GSK3B: variants seen among roughly 807,000 people sequenced by gnomAD.
The protein encoded by GSK3B is glycogen synthase kinase 3 beta.
Under a neutral mutation model 56.4 loss-of-function variants are expected in GSK3B, and 15 were observed. The observed-to-expected ratio is 0.27, with a 90% CI of 0.18 to 0.41. GSK3B has a LOEUF of 0.41. Among genes scored for constraint, GSK3B ranks in the 10% least tolerant of loss-of-function variants. The pLI is 1.00. For missense variants in GSK3B, 300 were observed against 513.4 expected (o/e 0.58, Z 4.02); for synonymous variants, 181 against 188.9 (o/e 0.96, Z 0.34).
At chr3:119,959,834 T>C (rs139869154) in intron 2 of GSK3B, among the ~76,000 whole-genome samples, 1 of 152,194 alleles carries the variant, frequency 6.6e-6, no homozygotes, top group Admixed American at 6.5e-5. Flanking sequence ...ATTACAGGCA[T>C]GAGACACTGC....
chr3:120,066,373 T>C (rs745815227), intron 1 of GSK3B, among the ~76,000 whole-genome samples: 1 of 152,100 alleles, frequency 6.6e-6, no homozygotes, highest in African/African-American at 2.4e-5. Context: ...ACTGAGGTTA[T>C]ATGGAAAGAT....
chr3:119,864,377 T>A (rs926565332), intron 8 of GSK3B, among the ~76,000 whole-genome samples: 1 of 152,214 alleles, frequency 6.6e-6, no homozygotes, highest in Non-Finnish European at 1.5e-5. Context: ...TACTAATTTG[T>A]GTCTTAAATA....
intron 10 of GSK3B, among the ~76,000 whole-genome samples, chr3:119,828,565 T>C (rs1420495629): frequency 6.6e-6 from 1 of 152,172 alleles, no homozygotes. Flanking sequence ...AGATCTACCA[T>C]GTGCTATGGT....
At chr3:119,871,982 C>G (rs2056255490) in intron 8 of GSK3B, among the ~76,000 whole-genome samples, 1 of 152,152 alleles carries the variant, frequency 6.6e-6, no homozygotes, top group South Asian at 2.1e-4. Flanking sequence ...TGTTACCTAA[C>G]TGACCTCACA....
At position 119,823,102 on chromosome 3, in the gene GSK3B, C is replaced by T. The variant is rs1329290785; in HGVS notation, c.*3686G>A. 2 of 229,372 alleles carry T rather than the reference C, an allele frequency of 8.7e-6. No individual in the cohort carries two copies. The highest frequency in any genetic ancestry group is 1.7e-5 in the Non-Finnish European group (2 of 115,784). The allele number at this position is 229,372 out of a possible 1,614,324, so 14.2% of individuals were successfully genotyped here. On this transcript the variant is annotated 3_prime_UTR_variant, in exon 11 of 11. Coordinates refer to ENST00000264235, the MANE Select transcript of GSK3B (RefSeq NM_001146156.2). Reference sequence around the variant, plus strand: ...AAAGAAGGTGCAGTCTTCTGCCTTGCTGGAATGAACACACGATGTTTCAAA... The same window carrying T: ...AAAGAAGGTGCAGTCTTCTGCCTTGTTGGAATGAACACACGATGTTTCAAA...
chr3:119,866,612 C>A (rs2056186432), intron 8 of GSK3B: 1 of 1,604,846 alleles, frequency 6.2e-7, no homozygotes, highest in South Asian at 1.1e-5. Flanking sequence ...GGTGAAATGT[C>A]CTGTTCCTGA....
chr3:119,893,517 C>A (rs986453108), intron 7 of GSK3B, among the ~76,000 whole-genome samples: 3 of 152,018 alleles, frequency 2.0e-5, no homozygotes, highest in Admixed American at 6.6e-5. Context: ...AGTCTTAAAG[C>A]CCCATTAAGA....
At chr3:119,849,917 G>A (rs974959779) in intron 9 of GSK3B, among the ~76,000 whole-genome samples, 17 of 152,094 alleles carry the variant, frequency 1.1e-4, no homozygotes, top group African/African-American at 3.6e-4. Flanking sequence ...CTGGGTTCAC[G>A]CGATTCTCGT....
At chr3:120,074,056 G>A (rs2058348815) in intron 1 of GSK3B, among the ~76,000 whole-genome samples, 1 of 152,122 alleles carries the variant, frequency 6.6e-6, no homozygotes, top group Non-Finnish European at 1.5e-5. Context: ...TGTAATCCCA[G>A]CACTATGGGA....
chr3:119,937,224 G>T (rs4491944), intron 3 of GSK3B, among the ~76,000 whole-genome samples: 3,975 of 152,116 alleles, frequency 0.026, 223 homozygotes, highest in African/African-American at 0.09. Context: ...TTGATCCTCA[G>T]TGTTGGAGAT....
chr3:119,971,109 A>G (rs1337233572), intron 2 of GSK3B, among the ~76,000 whole-genome samples: 7 of 152,248 alleles, frequency 4.6e-5, no homozygotes, highest in Admixed American at 4.6e-4. Flanking sequence ...ACTTTCTTAT[A>G]TAAATGACAA....
chr3:119,942,982 T>C (rs2057064875), intron 3 of GSK3B, among the ~76,000 whole-genome samples: 1 of 152,142 alleles, frequency 6.6e-6, no homozygotes, highest in Non-Finnish European at 1.5e-5. Flanking sequence ...ACAGCAAACA[T>C]TAATAATTCC....
At chr3:119,846,199 G>T (rs1444971491) in intron 9 of GSK3B, among the ~76,000 whole-genome samples, 1 of 152,100 alleles carries the variant, frequency 6.6e-6, no homozygotes, top group Non-Finnish European at 1.5e-5. Context: ...AAAAACCCTA[G>T]AAGGAAACCT....
intron 1 of GSK3B, among the ~76,000 whole-genome samples, chr3:120,053,382 T>A (rs2058166781): frequency 6.6e-6 from 1 of 152,158 alleles, no homozygotes. Flanking sequence ...ACTTTACAGA[T>A]GTAATCCCCA....
chr3:119,898,428 A>T (rs1170048744), intron 7 of GSK3B, among the ~76,000 whole-genome samples: 1 of 152,214 alleles, frequency 6.6e-6, no homozygotes, highest in Non-Finnish European at 1.5e-5. Context: ...AAACAGAATT[A>T]AACCTAAAGA....
chr3:119,953,934 T>C (rs565606175), intron 2 of GSK3B, among the ~76,000 whole-genome samples: 36 of 152,270 alleles, frequency 2.4e-4, no homozygotes, highest in African/African-American at 8.2e-4. Flanking sequence ...CTACAGTTCA[T>C]TGATGTTATA....
chr3:119,822,245 A>T lies in GSK3B; in HGVS notation c.*4543T>A, dbSNP rs1004031772. On this transcript the variant is annotated 3_prime_UTR_variant, in exon 11 of 11. Coordinates refer to ENST00000264235, the MANE Select transcript of GSK3B (RefSeq NM_001146156.2). Reference sequence around the variant, plus strand: ...GTTTGTATACAACCCACAGTCCTTTATATATATATATATATATATATAATA... The same window carrying T: ...GTTTGTATACAACCCACAGTCCTTTTTATATATATATATATATATATAATA... 29 of 143,034 alleles carry T rather than the reference A, an allele frequency of 2.0e-4. No homozygotes were observed. Among genetic ancestry groups the T allele is most frequent in the African/African-American group, 8.8e-4 (27 of 30,562 alleles). The allele number at this position is 143,034 out of a possible 1,614,324, so 8.9% of individuals were successfully genotyped here.
intron 8 of GSK3B, among the ~76,000 whole-genome samples, chr3:119,873,113 A>G (rs1405646708): frequency 6.6e-6 from 1 of 152,112 alleles, no homozygotes; most frequent in East Asian, 1.9e-4. Flanking sequence ...TACTAAAGCC[A>G]CAAGTGCTTT....
intron 9 of GSK3B, among the ~76,000 whole-genome samples, chr3:119,850,407 T>C (rs2055914018): frequency 1.3e-5 from 2 of 152,222 alleles, no homozygotes; most frequent in South Asian, 4.1e-4. Context: ...TGCTTTCATC[T>C]GTTCAGTCTT....
Sources: allele counts gnomAD v4.1 joint callset (sites outside exome capture counted in the v4.1 genomes callset), GRCh38; gene constraint gnomAD v4.1.1; transcripts MANE v1.5; gene names NCBI Gene and HGNC (gene_info 2026-07-23, HGNC 2026-07-21).